Variants in NRCAM observed in about 807,000 individuals in gnomAD.
NRCAM encodes NgCAM-related cell adhesion molecule.
NRCAM carries 83 observed loss-of-function variants against 156.5 expected under a neutral mutation model. The observed-to-expected ratio is 0.53, with a 90% confidence interval of 0.44 to 0.64. NRCAM has a LOEUF of 0.64. Ranked by LOEUF, NRCAM falls within the 30% of genes least tolerant of loss-of-function variation. NRCAM has a pLI of 0.00. For missense variants in NRCAM, 1,417 were observed against 1,597.3 expected (o/e 0.89, Z 1.92); for synonymous variants, 538 against 563.9 (o/e 0.95, Z 0.65).
chr7:108,325,086 G>C (rs976323838), intron 2 of NRCAM, among the ~76,000 whole-genome samples: 1 of 151,768 alleles, frequency 6.6e-6, no homozygotes, highest in African/African-American at 2.4e-5. Context: ...ACTACTCAAA[G>C]GGAAGATTCT....
chr7:108,308,231 G>T (rs775475921), intron 3 of NRCAM, among the ~76,000 whole-genome samples: 1 of 152,216 alleles, frequency 6.6e-6, no homozygotes. Flanking sequence ...CTGCCTTTTG[G>T]TGGCACTGTT....
chr7:108,262,365 A>G (rs1050225327), intron 3 of NRCAM, among the ~76,000 whole-genome samples: 2 of 152,082 alleles, frequency 1.3e-5, no homozygotes, highest in African/African-American at 4.8e-5. Context: ...TCCAAGGCTG[A>G]AATAGGAAAC....
chr7:108,355,274 T>C (rs2099484009), intron 2 of NRCAM, among the ~76,000 whole-genome samples: 1 of 152,208 alleles, frequency 6.6e-6, no homozygotes, highest in African/African-American at 2.4e-5. Flanking sequence ...AGAACAGATG[T>C]GAAATTGAGA....
intron 20 of NRCAM, among the ~76,000 whole-genome samples, chr7:108,187,954 C>CAA (rs369953785): frequency 7.1e-6 from 1 of 141,322 alleles, no homozygotes; most frequent in African/African-American, 2.6e-5. Flanking sequence ...GACTCCGTCT[C>CAA]AAAAAAAAAA....
intron 3 of NRCAM, among the ~76,000 whole-genome samples, chr7:108,250,308 C>A (rs1444773895): frequency 2.0e-5 from 3 of 151,800 alleles, no homozygotes; most frequent in African/African-American, 7.2e-5. Flanking sequence ...CACCTGTAGT[C>A]CCAACTACGC....
At chr7:108,286,053 T>C (rs1272262777) in intron 3 of NRCAM, among the ~76,000 whole-genome samples, 1 of 152,200 alleles carries the variant, frequency 6.6e-6, no homozygotes, top group African/African-American at 2.4e-5. Flanking sequence ...CGAAACTACT[T>C]TGTCATTACC....
chr7:108,223,974 A>G (rs569341695), intron 10 of NRCAM, 138 bp from the exon 11 acceptor site: 3 of 590,364 alleles, frequency 5.1e-6, no homozygotes, highest in Non-Finnish European at 9.1e-6. Flanking sequence ...GTTAAGCTAC[A>G]TACACATACA....
intron 2 of NRCAM, among the ~76,000 whole-genome samples, chr7:108,350,475 G>A (rs1417409895): frequency 1.4e-4 from 22 of 152,238 alleles, no homozygotes; most frequent in Admixed American, 1.4e-3. Context: ...ACCAATGGCA[G>A]TTTGTATATA....
chr7:108,301,753 G>A (rs2098621461), intron 3 of NRCAM, among the ~76,000 whole-genome samples: 1 of 151,854 alleles, frequency 6.6e-6, no homozygotes, highest in African/African-American at 2.4e-5. Flanking sequence ...AAATATCTAG[G>A]GGCTCAAAAT....
At chr7:108,437,327 C>T (rs1444167322) in intron 1 of NRCAM, among the ~76,000 whole-genome samples, 2 of 151,758 alleles carry the variant, frequency 1.3e-5, no homozygotes, top group Non-Finnish European at 2.9e-5. Context: ...TTAATGGGTA[C>T]AAAACAAATA....
At chr7:108,311,034 G>T (rs1299095434) in intron 3 of NRCAM, among the ~76,000 whole-genome samples, 1 of 152,168 alleles carries the variant, frequency 6.6e-6, no homozygotes, top group African/African-American at 2.4e-5. Flanking sequence ...GGGCTAGGAA[G>T]TGGGAGAGCA....
At chr7:108,254,716 G>A (rs1390389141) in intron 3 of NRCAM, among the ~76,000 whole-genome samples, 3 of 151,764 alleles carry the variant, frequency 2.0e-5, no homozygotes, top group Admixed American at 6.6e-5. Context: ...TACCCACCTA[G>A]TTTTTTTTAT....
intron 1 of NRCAM, among the ~76,000 whole-genome samples, chr7:108,421,245 T>C (rs1048250072): frequency 3.3e-5 from 5 of 152,196 alleles, no homozygotes; most frequent in Non-Finnish European, 7.4e-5. Context: ...TGGAATAGGC[T>C]GAAAGCATTA....
chr7:108,418,830 T>C (rs1241025519), intron 1 of NRCAM, among the ~76,000 whole-genome samples: 1 of 152,178 alleles, frequency 6.6e-6, no homozygotes, highest in Non-Finnish European at 1.5e-5. Flanking sequence ...TGACCATCAG[T>C]GTATAGGCTT....
At chr7:108,179,278 T>C (rs2062235477) in intron 25 of NRCAM, among the ~76,000 whole-genome samples, 1 of 152,106 alleles carries the variant, frequency 6.6e-6, no homozygotes, top group South Asian at 2.1e-4. Flanking sequence ...GAGCCCTGAC[T>C]CTCTAAGGGA....
At chr7:108,436,129 G>A (rs1343982164) in intron 1 of NRCAM, among the ~76,000 whole-genome samples, 4 of 152,102 alleles carry the variant, frequency 2.6e-5, no homozygotes, top group South Asian at 2.1e-4. Context: ...GTGAGACTCC[G>A]TCTCAAATAA....
At chr7:108,430,171 TTGG>T (rs572305199) in intron 1 of NRCAM, among the ~76,000 whole-genome samples, 87 of 152,318 alleles carry the variant, frequency 5.7e-4, no homozygotes, top group Non-Finnish European at 1.1e-3. Flanking sequence ...GTTTTCGTTT[TTGG>T]TAAGAATCTT....
At chr7:108,341,121 C>T (rs1427071289) in intron 2 of NRCAM, among the ~76,000 whole-genome samples, 1 of 152,184 alleles carries the variant, frequency 6.6e-6, no homozygotes, top group African/African-American at 2.4e-5. Context: ...AAATAAGCCA[C>T]CCCCTCATCC....
At chr7:108,397,488 G>C (rs1455486552) in intron 2 of NRCAM, among the ~76,000 whole-genome samples, 2 of 152,206 alleles carry the variant, frequency 1.3e-5, no homozygotes, top group African/African-American at 4.8e-5. Flanking sequence ...GGGTGGACTT[G>C]CTCTCAAACA....
Sources: gnomAD v4.1 joint callset for allele counts (sites outside exome capture counted in the v4.1 genomes callset) on GRCh38, gnomAD v4.1.1 for gene constraint, MANE v1.5 for transcripts, NCBI Gene and HGNC (gene_info 2026-07-23, HGNC 2026-07-21) for gene names.